RAB38: variants seen among roughly 807,000 people sequenced by gnomAD.
The protein encoded by RAB38 is ras-related protein Rab-38.
Under a neutral mutation model 18.4 loss-of-function variants are expected in RAB38, and 15 were observed. The observed-to-expected ratio is 0.82, with a 90% CI of 0.55 to 1.26. RAB38 has a LOEUF of 1.26. RAB38 is among the 50% of genes most tolerant of loss of function. The pLI is 0.00. For synonymous variants in RAB38, 101 were observed against 104.4 expected (o/e 0.97, Z 0.20); for missense variants, 294 against 267.4 (o/e 1.10, Z -0.69).
At chr11:88,161,122 T>TA (rs1943185670) in intron 1 of RAB38, among the ~76,000 whole-genome samples, 1 of 152,136 alleles carries the variant, frequency 6.6e-6, no homozygotes, top group Non-Finnish European at 1.5e-5. Flanking sequence ...CCTTCATTGA[T>TA]ATGTCATGTA....
chr11:88,058,569 G>A, the RAB38 span, among the ~76,000 whole-genome samples: 1 of 152,116 alleles, frequency 6.6e-6, no homozygotes, highest in Admixed American at 6.6e-5. Context: ...TTACATAAAA[G>A]GGATGACTGC....
chr11:87,932,326 G>A, the RAB38 span, among the ~76,000 whole-genome samples: 3 of 152,024 alleles, frequency 2.0e-5, 1 homozygote, highest in Admixed American at 2.0e-4. Flanking sequence ...AGGCTGAGAA[G>A]CAACAACTTA....
chr11:87,936,087 G>A, the RAB38 span, among the ~76,000 whole-genome samples: 1 of 151,932 alleles, frequency 6.6e-6, no homozygotes, highest in African/African-American at 2.4e-5. Context: ...TTCCTCTGTA[G>A]TTTCTCTTTT....
the RAB38 span, among the ~76,000 whole-genome samples, chr11:88,020,272 A>G: frequency 6.6e-6 from 1 of 152,198 alleles, no homozygotes. Flanking sequence ...AAAAAGAGCC[A>G]ATGAAAACCA....
At chr11:87,974,691 T>C in the RAB38 span, among the ~76,000 whole-genome samples, 1 of 151,426 alleles carries the variant, frequency 6.6e-6, no homozygotes, top group Admixed American at 6.6e-5. Context: ...TTTTTTAATC[T>C]GCTGAAAACC....
At chr11:88,005,520 A>C in the RAB38 span, among the ~76,000 whole-genome samples, 2 of 151,390 alleles carry the variant, frequency 1.3e-5, no homozygotes, top group Non-Finnish European at 3.0e-5. Context: ...ATAATTTGTG[A>C]ATATATTCAC....
chr11:88,033,299 G>A, the RAB38 span, among the ~76,000 whole-genome samples: 1 of 151,650 alleles, frequency 6.6e-6, no homozygotes, highest in East Asian at 1.9e-4. Flanking sequence ...AGTGGGTGCA[G>A]CACACCAGCA....
At chr11:88,029,244 AG>A in the RAB38 span, among the ~76,000 whole-genome samples, 2 of 152,226 alleles carry the variant, frequency 1.3e-5, no homozygotes, top group East Asian at 3.8e-4. Context: ...AAACATTGAA[AG>A]GAACAACCGG....
At chr11:88,012,853 AATTG>A in the RAB38 span, among the ~76,000 whole-genome samples, 1 of 152,180 alleles carries the variant, frequency 6.6e-6, no homozygotes, top group African/African-American at 2.4e-5. Context: ...TAGTGGAAAA[AATTG>A]ATTTTTAAAA....
chr11:88,135,131 T>C (rs1429335562), intron 2 of RAB38, among the ~76,000 whole-genome samples: 1 of 152,182 alleles, frequency 6.6e-6, no homozygotes, highest in Non-Finnish European at 1.5e-5. Context: ...ACCCTCTTGA[T>C]GAAACCTTCC....
At chr11:87,977,892 G>C in the RAB38 span, among the ~76,000 whole-genome samples, 1 of 95,758 alleles carries the variant, frequency 1.0e-5, no homozygotes, top group Non-Finnish European at 1.9e-5. Context: ...TGTAGTCATA[G>C]ATTTACATAT....
At chr11:88,041,027 G>A in the RAB38 span, among the ~76,000 whole-genome samples, 3 of 152,194 alleles carry the variant, frequency 2.0e-5, no homozygotes, top group Admixed American at 6.5e-5. Context: ...TGGATTCCCT[G>A]TGTGTTCCTC....
intron 2 of RAB38, among the ~76,000 whole-genome samples, chr11:88,139,771 A>G (rs1351649017): frequency 2.0e-5 from 3 of 152,194 alleles, no homozygotes; most frequent in Non-Finnish European, 4.4e-5. Context: ...AGCTCTTTAC[A>G]TGTCCCTGAT....
chr11:87,959,947 C>A, the RAB38 span, among the ~76,000 whole-genome samples: 1 of 152,134 alleles, frequency 6.6e-6, no homozygotes, highest in African/African-American at 2.4e-5. Context: ...GTATTCAAAT[C>A]ACTGTTTTTT....
At position 88,149,905 on chromosome 11, in the gene RAB38, C is replaced by T. The variant is rs1943042962; in HGVS notation, c.253G>A (p.Gly85Ser). The T allele has an allele frequency of 6.2e-7, 1 of 1,613,928 alleles. No individual in the cohort carries two copies. The highest frequency in any genetic ancestry group is 1.3e-5 in the African/African-American group (1 of 74,984). ...GTGACATCGAAGACAATAAATGCAC[C>T]CATAGCTTCTCGGTAATAGACCCTC... The part of the protein sequence containing the change: ...MTRVYYREAM[G>S]AFIVFDVTRP... The change falls in exon 2 of 3, where the codon GGT (glycine) becomes AGT (serine). Residue 85 changes from glycine to serine, a missense_variant. Transcript: ENST00000243662.
chr11:87,804,300 C>T, the RAB38 span, among the ~76,000 whole-genome samples: 1 of 152,048 alleles, frequency 6.6e-6, no homozygotes, highest in East Asian at 1.9e-4. Context: ...ATGCATTGTC[C>T]TAGCATTAAC....
At chr11:88,158,650 G>C (rs1282214020) in intron 1 of RAB38, among the ~76,000 whole-genome samples, 1 of 151,964 alleles carries the variant, frequency 6.6e-6, no homozygotes, top group Non-Finnish European at 1.5e-5. Context: ...TACATAAACA[G>C]AATTAAAAAC....
At chr11:87,950,044 T>A in the RAB38 span, among the ~76,000 whole-genome samples, 1 of 152,208 alleles carries the variant, frequency 6.6e-6, no homozygotes, top group Non-Finnish European at 1.5e-5. Flanking sequence ...TGTAGGTCAC[T>A]CAGTACTTGC....
chr11:87,912,970 A>G, the RAB38 span, among the ~76,000 whole-genome samples: 2 of 151,542 alleles, frequency 1.3e-5, no homozygotes, highest in African/African-American at 2.4e-5. Context: ...CCAGTTCACA[A>G]TGTTTTGACA....
Sources: gnomAD v4.1 joint callset for allele counts (sites outside exome capture counted in the v4.1 genomes callset) on GRCh38, gnomAD v4.1.1 for gene constraint, MANE v1.5 for transcripts, NCBI Gene and HGNC (gene_info 2026-07-23, HGNC 2026-07-21) for gene names.